Variants in CACHD1 observed in about 807,000 individuals in gnomAD.
CACHD1 encodes the protein VWFA and cache domain-containing protein 1.
CACHD1 carries 71 observed loss-of-function variants against 138.7 expected under a neutral mutation model. The ratio of observed to expected loss-of-function variants is 0.51; its 90% CI spans 0.42 to 0.62. The LOEUF is 0.62. Among genes scored for constraint, CACHD1 ranks in the 20% least tolerant of loss-of-function variants. CACHD1 has a pLI of 0.00. For missense variants in CACHD1, 1,389 were observed against 1,625.3 expected (o/e 0.85, Z 2.50); for synonymous variants, 578 against 591.5 (o/e 0.98, Z 0.33).
intron 1 of CACHD1, among the ~76,000 whole-genome samples, chr1:64,542,885 G>T (rs1223832210): frequency 6.6e-6 from 1 of 151,910 alleles, no homozygotes; most frequent in Non-Finnish European, 1.5e-5. Flanking sequence ...AAAGGTCATT[G>T]TAAATATTAA....
In CACHD1 at chr1:64,671,769, A is replaced by G. The variant is rs1197278333; in HGVS notation, c.2510+83A>G. Reference sequence around the variant, plus strand: ...GTATCTCTAGTTGAATGGGAACCGCATAGTTATGGTCAGGAATAGAAATCT... The same window carrying G: ...GTATCTCTAGTTGAATGGGAACCGCGTAGTTATGGTCAGGAATAGAAATCT... On this transcript the variant is annotated intron_variant, in intron 17 of 26. Coordinates refer to ENST00000651257, the MANE Select transcript of CACHD1 (RefSeq NM_020925.4). The G allele has an allele frequency of 3.3e-6, 5 of 1,528,130 alleles. No homozygotes were observed. The East Asian group carries it at 6.8e-5, about 21-fold the overall frequency. 94.7% of individuals were successfully genotyped at this position (1,528,130 alleles called of 1,614,324 possible).
chr1:64,668,505 G>A (rs936355107), intron 16 of CACHD1, among the ~76,000 whole-genome samples: 1 of 152,134 alleles, frequency 6.6e-6, no homozygotes, highest in African/African-American at 2.4e-5. Flanking sequence ...GCAACAGAGT[G>A]AGGCTCTGTC....
chr1:64,494,042 G>C (rs1280311447), intron 1 of CACHD1, among the ~76,000 whole-genome samples: 1 of 152,190 alleles, frequency 6.6e-6, no homozygotes, highest in Non-Finnish European at 1.5e-5. Flanking sequence ...TGGGACAAGG[G>C]AGGGAGGAGG....
chr1:64,500,913 G>C (rs780857556), intron 1 of CACHD1, among the ~76,000 whole-genome samples: 21 of 152,008 alleles, frequency 1.4e-4, no homozygotes, highest in Non-Finnish European at 2.1e-4. Flanking sequence ...GCTGGGCGTG[G>C]TGGCAAGTGC....
At chr1:64,503,456 T>C (rs1195588066) in intron 1 of CACHD1, among the ~76,000 whole-genome samples, 2 of 152,236 alleles carry the variant, frequency 1.3e-5, no homozygotes, top group Non-Finnish European at 2.9e-5. Context: ...TCATGCCTTT[T>C]AGGAATCATC....
At position 64,653,792 on chromosome 1, in the gene CACHD1, A is replaced by G; in HGVS notation, c.1575A>G (p.Pro525=). ...YTLMHPSLTR[P]YLLSEPPLHT... ...TTATGCACCCATCTCTTACCAGGCC[A>G]TATTTATTGTCAGAGCCCCCACTTC... Residue 525 remains proline, a synonymous_variant, in exon 11 of 27, where the codon CCA becomes CCG. Transcript: ENST00000651257. 3 of 1,613,548 alleles carry G rather than the reference A, an allele frequency of 1.9e-6. No individual in the cohort carries two copies. The highest frequency in any genetic ancestry group is 2.5e-6 in the Non-Finnish European group (3 of 1,179,556).
intron 1 of CACHD1, among the ~76,000 whole-genome samples, chr1:64,542,731 T>A (rs548454623): frequency 7.9e-5 from 12 of 152,252 alleles, no homozygotes; most frequent in African/African-American, 2.9e-4. Context: ...TTAAAGATGA[T>A]CTTTGCATAG....
chr1:64,679,469 A>G, intron 23 of CACHD1, 126 bp from the exon 24 acceptor site: 1 of 1,016,358 alleles, frequency 9.8e-7, no homozygotes, highest in Non-Finnish European at 1.5e-6. Context: ...CTCAAAGCCT[A>G]ACTAAGCATC....
intron 1 of CACHD1, among the ~76,000 whole-genome samples, chr1:64,473,142 C>T (rs550803473): frequency 2.0e-5 from 3 of 152,262 alleles, no homozygotes; most frequent in South Asian, 4.1e-4. Flanking sequence ...ATTGTGGAAA[C>T]GGACCTCCTG....
intron 1 of CACHD1, among the ~76,000 whole-genome samples, chr1:64,531,349 C>G (rs921349053): frequency 8.5e-5 from 13 of 152,140 alleles, no homozygotes; most frequent in Non-Finnish European, 1.5e-4. Flanking sequence ...TTCCAGGTTT[C>G]TTGATTATTA....
At chr1:64,666,198 C>A (rs771898717) in intron 16 of CACHD1, 31 bp downstream of exon 16, 4 of 1,361,048 alleles carry the variant, frequency 2.9e-6, no homozygotes, top group Non-Finnish European at 4.1e-6. Flanking sequence ...ATAGTCATTT[C>A]TTAAATATAT....
At chr1:64,667,813 G>T (rs1396239824) in intron 16 of CACHD1, among the ~76,000 whole-genome samples, 1 of 152,158 alleles carries the variant, frequency 6.6e-6, no homozygotes, top group Admixed American at 6.5e-5. Flanking sequence ...CTCTCACCTG[G>T]CAGCTTATCA....
intron 4 of CACHD1, among the ~76,000 whole-genome samples, chr1:64,621,967 C>T (rs1447115096): frequency 1.3e-5 from 2 of 152,154 alleles, no homozygotes; most frequent in African/African-American, 2.4e-5. Context: ...GACAGCTTGC[C>T]AGTCTTAAGA....
At chr1:64,580,021 C>T (rs776596003) in intron 2 of CACHD1, 4 of 152,100 alleles carry the variant, frequency 2.6e-5, no homozygotes, top group Non-Finnish European at 5.9e-5. Context: ...TGCTCTGACA[C>T]CCTCTACTGC....
chr1:64,688,637 C>T (rs1480139342), intron 26 of CACHD1, among the ~76,000 whole-genome samples: 1 of 152,164 alleles, frequency 6.6e-6, no homozygotes, highest in Non-Finnish European at 1.5e-5. Flanking sequence ...TCTGATCCCA[C>T]CTTCCTTCTG....
At chr1:64,521,184 C>T (rs778931786) in intron 1 of CACHD1, among the ~76,000 whole-genome samples, 2 of 152,144 alleles carry the variant, frequency 1.3e-5, no homozygotes, top group African/African-American at 4.8e-5. Flanking sequence ...TCCTTGCTGT[C>T]GTAGGGCAGA....
chr1:64,505,885 C>G (rs1646371525), intron 1 of CACHD1: 1 of 128,004 alleles, frequency 7.8e-6, no homozygotes, highest in Non-Finnish European at 1.7e-5. Flanking sequence ...CCGGGTCCCC[C>G]GCTTCGTCCC....
chr1:64,470,623 G>A lies in CACHD1; in HGVS notation c.-122G>A, dbSNP rs1646137375. Reference sequence around the variant, plus strand: ...TGGGAGCCTTCGCCACCGCGGCGCGGAGCAGAGCCTGCAACAGAGGAAGAA... The same window carrying A: ...TGGGAGCCTTCGCCACCGCGGCGCGAAGCAGAGCCTGCAACAGAGGAAGAA... On this transcript the variant is annotated 5_prime_UTR_variant, in exon 1 of 27. Coordinates refer to ENST00000651257, the MANE Select transcript of CACHD1 (RefSeq NM_020925.4). The surrounding 1 kb of genome is among the most constrained non-coding windows in gnomAD (Gnocchi z 5.2). 2 of 393,080 alleles carry A rather than the reference G, an allele frequency of 5.1e-6. No individual in the cohort carries two copies. 24.3% of individuals were successfully genotyped at this position (393,080 alleles called of 1,614,324 possible). A position where few individuals can be genotyped will look rare whatever the true frequency, so the allele number is the denominator to read the frequency against.
intron 4 of CACHD1, among the ~76,000 whole-genome samples, chr1:64,626,358 G>A (rs1375601937): frequency 1.3e-5 from 2 of 152,190 alleles, no homozygotes; most frequent in Non-Finnish European, 2.9e-5. Flanking sequence ...AGATCAAAAA[G>A]ATAGTCCTCA....
Sources: allele counts gnomAD v4.1 joint callset (sites outside exome capture counted in the v4.1 genomes callset), GRCh38; gene constraint gnomAD v4.1.1; non-coding constraint Gnocchi (gnomAD v3.1); transcripts MANE v1.5; gene names NCBI Gene and HGNC (gene_info 2026-07-23, HGNC 2026-07-21).